RIMBP2: variants seen among roughly 807,000 people sequenced by gnomAD.
RIMBP2 encodes RIMS-binding protein 2.
A neutral mutation model predicts 118.6 loss-of-function variants in RIMBP2; 48 were observed. The ratio of observed to expected loss-of-function variants is 0.40; its 90% CI spans 0.32 to 0.51. The LOEUF is 0.51. Among genes scored for constraint, RIMBP2 ranks in the 20% least tolerant of loss-of-function variants. The pLI is 0.41. For synonymous variants in RIMBP2, 762 were observed against 742.9 expected (o/e 1.03, Z -0.42); for missense variants, 1,551 against 1,768.3 (o/e 0.88, Z 2.20).
At chr12:130,600,184 G>A (rs2059787013) in intron 2 of RIMBP2, among the ~76,000 whole-genome samples, 1 of 152,310 alleles carries the variant, frequency 6.6e-6, no homozygotes, top group East Asian at 1.9e-4. Flanking sequence ...CATGTTGTCA[G>A]GACTGACAGA....
intron 2 of RIMBP2, among the ~76,000 whole-genome samples, chr12:130,614,010 C>T (rs1239596946): frequency 6.6e-6 from 1 of 152,106 alleles, no homozygotes; most frequent in African/African-American, 2.4e-5. Flanking sequence ...TGACTTTCTG[C>T]ATGAGAAAAG....
intron 4 of RIMBP2, among the ~76,000 whole-genome samples, chr12:130,485,258 T>C (rs1014058385): frequency 1.3e-5 from 2 of 152,246 alleles, no homozygotes; most frequent in Non-Finnish European, 2.9e-5. Context: ...GGCACTATGC[T>C]TGCCCAGGCA....
chr12:130,519,792 A>G (rs1043668165), intron 2 of RIMBP2, among the ~76,000 whole-genome samples: 6 of 152,162 alleles, frequency 3.9e-5, no homozygotes, highest in African/African-American at 1.4e-4. Context: ...TACAAATGGG[A>G]GCTCTCCTTA....
chr12:130,542,826 G>T (rs573664122), intron 2 of RIMBP2, among the ~76,000 whole-genome samples: 37 of 152,304 alleles, frequency 2.4e-4, no homozygotes, highest in African/African-American at 8.4e-4. Context: ...TCTTTCTGTT[G>T]TAAATAGGAA....
At chr12:130,614,370 C>T (rs897185253) in intron 2 of RIMBP2, among the ~76,000 whole-genome samples, 1 of 152,172 alleles carries the variant, frequency 6.6e-6, no homozygotes, top group Non-Finnish European at 1.5e-5. Flanking sequence ...AACAAACCGA[C>T]GACATTCCCT....
intron 2 of RIMBP2, among the ~76,000 whole-genome samples, chr12:130,572,028 C>G (rs920623149): frequency 6.6e-6 from 1 of 152,232 alleles, no homozygotes; most frequent in Non-Finnish European, 1.5e-5. Flanking sequence ...TGCATCCATG[C>G]CAGCCTTAGC....
At position 130,511,050 on chromosome 12, in the gene RIMBP2, A is replaced by T. The variant is rs1418241965; in HGVS notation, c.-126-4280T>A. Among the ~76,000 whole-genome samples the T allele has an allele frequency of 3.3e-5, 5 of 152,168 alleles. No individual in the cohort carries two copies. Among genetic ancestry groups the T allele is most frequent in the Admixed American group, 2.0e-4 (3 of 15,280 alleles). ...TATATCACTTTTTGTGGCAGAACGG[A>T]CCCTGAAGATGGGATTGCATGGAGC... On this transcript the variant is annotated intron_variant, in intron 3 of 22. Transcript: ENST00000690449. The surrounding 1 kb of genome is among the most constrained non-coding windows in gnomAD (Gnocchi z 4.3).
intron 22 of RIMBP2, chr12:130,397,994 G>A (rs2074193243): frequency 6.5e-6 from 1 of 152,834 alleles, no homozygotes; most frequent in Admixed American, 6.6e-5. Flanking sequence ...GTGCATTCCT[G>A]GGGTGGTTGG....
At chr12:130,480,236 C>CA (rs57955292) in intron 4 of RIMBP2, among the ~76,000 whole-genome samples, 40,042 of 148,764 alleles carry the variant, frequency 0.27, 6,362 homozygotes, top group African/African-American at 0.44. Flanking sequence ...CACACACACA[C>CA]CTGTGGTAAC....
At chr12:130,690,311 G>T (rs2065255887) in intron 1 of RIMBP2, among the ~76,000 whole-genome samples, 1 of 152,164 alleles carries the variant, frequency 6.6e-6, no homozygotes, top group African/African-American at 2.4e-5. Flanking sequence ...CCAGAGATTG[G>T]GGCAGGGAAT....
rs1360601581 is a variant in RIMBP2 at position 130,620,045 on chromosome 12, A to G, written c.-217+8277T>C. On this transcript the variant is annotated intron_variant, in intron 2 of 22. Transcript: ENST00000690449. This position sits in a 1 kb window ranked among gnomAD's most constrained non-coding sequence, Gnocchi z 5.3. ...TGCAGACTTGACTTGATGTCGAGAAAGAGGCTCCTGGACCCCTGCGGCAAC... is the reference window on the plus strand; with the variant it reads ...TGCAGACTTGACTTGATGTCGAGAAGGAGGCTCCTGGACCCCTGCGGCAAC... Among the ~76,000 whole-genome samples the G allele has an allele frequency of 6.6e-6, 1 of 152,136 alleles. No homozygotes were observed. Among genetic ancestry groups the G allele is most frequent in the East Asian group, 1.9e-4 (1 of 5,180 alleles).
At position 130,396,324 on chromosome 12, in the gene RIMBP2, T is replaced by TCCATAAATTA. The variant is rs1428683955; in HGVS notation, c.*1027_*1036dup. ...AGCTTTGTCATTCATTTATAAACCG[T>TCCATAAATTA]CCATAAATTACAAAAGAAAGGCAGT... On this transcript the variant is annotated 3_prime_UTR_variant, in exon 23 of 23. Transcript: ENST00000690449. The TCCATAAATTA allele has an allele frequency of 5.2e-5, 8 of 152,600 alleles. No individual in the cohort carries two copies. Among genetic ancestry groups the TCCATAAATTA allele is most frequent in the Admixed American group, 2.0e-4 (3 of 15,284 alleles). 9.5% of individuals were successfully genotyped at this position (152,600 alleles called of 1,614,324 possible).
chr12:130,595,400 T>A (rs559073157), intron 2 of RIMBP2, among the ~76,000 whole-genome samples: 1 of 151,510 alleles, frequency 6.6e-6, no homozygotes, highest in Non-Finnish European at 1.5e-5. Context: ...CTACTAAAAA[T>A]ACAAAAAATT....
At chr12:130,572,823 A>T (rs1181951404) in intron 2 of RIMBP2, among the ~76,000 whole-genome samples, 1 of 151,914 alleles carries the variant, frequency 6.6e-6, no homozygotes, top group Non-Finnish European at 1.5e-5. Context: ...TCACCACGGG[A>T]CGGGGCCAGA....
chr12:130,713,223 A>AAGGAAGGAAGGAAGGAAGGAAGGAAGAG (rs1566477111), intron 1 of RIMBP2, among the ~76,000 whole-genome samples: 1 of 109,028 alleles, frequency 9.2e-6, no homozygotes. Context: ...GGAAGGAAGG[A>AAGGAAGGAAGGAAGGAAGGAAGGAAGAG]AGGAAGGAAG....
intron 2 of RIMBP2, among the ~76,000 whole-genome samples, chr12:130,577,538 A>G (rs74403176): frequency 6.6e-6 from 1 of 152,164 alleles, no homozygotes; most frequent in South Asian, 2.1e-4. Context: ...TGAAACCACC[A>G]GAGCTCATGA....
chr12:130,597,100 C>A (rs1002651486), intron 2 of RIMBP2, among the ~76,000 whole-genome samples: 1 of 152,172 alleles, frequency 6.6e-6, no homozygotes, highest in Non-Finnish European at 1.5e-5. Context: ...TTGAGGCTAG[C>A]ATTAGTTACC....
Position 130,617,962 on chromosome 12 carries a change from C to T in RIMBP2, c.-217+10360G>A, listed in dbSNP as rs992562708. ...ATCCCAGTACCTTGGGACGCTGAGGCGGGAGGATCACTTGAGCCCAGGAGT... is the reference window on the plus strand; with the variant it reads ...ATCCCAGTACCTTGGGACGCTGAGGTGGGAGGATCACTTGAGCCCAGGAGT... On this transcript the variant is annotated intron_variant, in intron 2 of 22. Transcript: ENST00000690449. The surrounding 1 kb of genome is among the most constrained non-coding windows in gnomAD (Gnocchi z 4.6). 1.6e-5 allele frequency among the ~76,000 whole-genome samples: 2 copies of T among 125,726 alleles called. No homozygotes were observed. The highest frequency in any genetic ancestry group is 3.1e-5 in the Non-Finnish European group (2 of 63,570). 82.5% of individuals were successfully genotyped at this position (125,726 alleles called of 152,430 possible). A position where few individuals can be genotyped will look rare whatever the true frequency, so the allele number is the denominator to read the frequency against.
rs978623826 is a variant in RIMBP2, at chr12:130,499,284, G to C, written c.-4+7364C>G. 1.2e-3 allele frequency among the ~76,000 whole-genome samples: 185 copies of C among 152,298 alleles called. 2 individuals carry two copies. Among genetic ancestry groups the C allele is most frequent in the African/African-American group, 4.2e-3 (175 of 41,566 alleles). ...AACATGAGATTTGGGTGGGGACATA[G>C]AGCCAAACCATATCAGGGTGCTTTG... On this transcript the variant is annotated intron_variant, in intron 4 of 22. Coordinates refer to ENST00000690449, the MANE Select transcript of RIMBP2 (RefSeq NM_001393629.1).
Sources: allele counts gnomAD v4.1 joint callset (sites outside exome capture counted in the v4.1 genomes callset), GRCh38; gene constraint gnomAD v4.1.1; non-coding constraint Gnocchi (gnomAD v3.1); transcripts MANE v1.5; gene names NCBI Gene and HGNC (gene_info 2026-07-23, HGNC 2026-07-21).